The following RBFOX1 variants were observed in gnomAD, a reference collection of about 807,000 sequenced individuals.
RBFOX1 encodes RNA binding fox-1 homolog 1, also known as RNA binding protein fox-1 homolog 1.
RBFOX1 carries 8 observed loss-of-function variants against 57.7 expected under a neutral mutation model. The ratio of observed to expected loss-of-function variants is 0.14; its 90% CI spans 0.08 to 0.25. The LOEUF (loss-of-function observed/expected upper bound fraction) is 0.25. Among genes scored for constraint, RBFOX1 ranks in the 10% least tolerant of loss-of-function variants. The pLI is 1.00. For missense variants in RBFOX1, 611 were observed against 548.5 expected (o/e 1.11, Z -1.14); for synonymous variants, 326 against 222.4 (o/e 1.47, Z -4.15).
chr16:7,698,183 G>GGT (rs59239865), intron 14 of RBFOX1, among the ~76,000 whole-genome samples: 40,334 of 135,724 alleles, frequency 0.3, 5,654 homozygotes, highest in Non-Finnish European at 0.33. Context: ...AGTCCAAGAG[G>GGT]GTGTGTGTGT....
intron 3 of RBFOX1, among the ~76,000 whole-genome samples, chr16:6,943,734 G>C (rs905582062): frequency 6.7e-6 from 1 of 149,402 alleles, no homozygotes; most frequent in African/African-American, 2.5e-5. Flanking sequence ...AAAAGTATTC[G>C]CCTGTAACAA....
At chr16:5,312,381 C>T (rs947950833) in intron 1 of RBFOX1, among the ~76,000 whole-genome samples, 1 of 152,154 alleles carries the variant, frequency 6.6e-6, no homozygotes, top group Non-Finnish European at 1.5e-5. Context: ...TGCAGTGGCA[C>T]GTTCGTGGCT....
intron 2 of RBFOX1, chr16:6,577,424 T>G (rs1454040774): frequency 6.6e-6 from 1 of 152,250 alleles, no homozygotes; most frequent in Non-Finnish European, 1.5e-5. Flanking sequence ...GAACTTTTTA[T>G]GTGCTGTCTC....
At chr16:7,201,620 G>T (rs139536101) in intron 4 of RBFOX1, among the ~76,000 whole-genome samples, 1 of 151,970 alleles carries the variant, frequency 6.6e-6, no homozygotes, top group Admixed American at 6.6e-5. Flanking sequence ...CCAACACCAC[G>T]CCTGGCTAAT....
At chr16:6,085,540 A>T (rs112490953) in intron 1 of RBFOX1, among the ~76,000 whole-genome samples, 1 of 152,140 alleles carries the variant, frequency 6.6e-6, no homozygotes, top group African/African-American at 2.4e-5. Flanking sequence ...CGGTGTTGGG[A>T]TTACAGGCGT....
At chr16:5,388,558 TTCTG>T (rs1328989025) in intron 1 of RBFOX1, among the ~76,000 whole-genome samples, 1 of 151,888 alleles carries the variant, frequency 6.6e-6, no homozygotes. Flanking sequence ...GAGTGTGTGT[TTCTG>T]TGTGTGTGTA....
intron 4 of RBFOX1, among the ~76,000 whole-genome samples, chr16:7,053,552 C>T (rs770700236): frequency 6.6e-6 from 1 of 152,148 alleles, no homozygotes; most frequent in Non-Finnish European, 1.5e-5. Context: ...TGATAAATGC[C>T]TGAGAATTAA....
chr16:7,567,875 A>G (rs62009935), intron 5 of RBFOX1, among the ~76,000 whole-genome samples: 75,905 of 138,176 alleles, frequency 0.55, 20,137 homozygotes, highest in African/African-American at 0.59. Context: ...ACCTCTCTAT[A>G]TATGCATATG....
Position 7,321,169 on chromosome 16 carries a change from G to A in RBFOX1, c.28-196978G>A, listed in dbSNP as rs1234474093. 1.4e-4 allele frequency among the ~76,000 whole-genome samples: 19 copies of A among 136,700 alleles called. No individual in the cohort carries two copies. In the Admixed American group the frequency reaches 1.4e-3, roughly 10 times the overall value. The allele number at this position is 136,700 out of a possible 152,430, so 89.7% of individuals were successfully genotyped here. On this transcript the variant is annotated intron_variant, in intron 4 of 15. Coordinates refer to ENST00000550418, the MANE Select transcript of RBFOX1 (RefSeq NM_018723.4). ...GTTTGTTTTTTGAGACGGCGAGATG[G>A]TGTTTTGCTCTGCTGCCCAGGCTGG...
intron 4 of RBFOX1, among the ~76,000 whole-genome samples, chr16:7,142,840 T>C (rs2074124254): frequency 1.3e-5 from 2 of 152,074 alleles, no homozygotes; most frequent in South Asian, 4.1e-4. Context: ...AAGAAAATGG[T>C]CAGCCCTGAG....
At chr16:5,623,967 AT>A (rs2048273670) in intron 3 of RBFOX1, among the ~76,000 whole-genome samples, 1 of 152,204 alleles carries the variant, frequency 6.6e-6, no homozygotes, top group Admixed American at 6.5e-5. Flanking sequence ...CATTTCCATC[AT>A]CCCCCAAAGA....
At chr16:5,281,346 T>G (rs183719368) in intron 1 of RBFOX1, among the ~76,000 whole-genome samples, 1 of 152,326 alleles carries the variant, frequency 6.6e-6, no homozygotes, top group African/African-American at 2.4e-5. Context: ...TGTCCTAGCA[T>G]ATGGTCTATC....
chr16:5,365,533 G>A (rs950397075), intron 1 of RBFOX1, among the ~76,000 whole-genome samples: 6 of 152,152 alleles, frequency 3.9e-5, no homozygotes, highest in Non-Finnish European at 5.9e-5. Flanking sequence ...GCTGGGCATG[G>A]TGGCATGTGC....
intron 3 of RBFOX1, among the ~76,000 whole-genome samples, chr16:6,676,177 C>G (rs1048639185): frequency 7.3e-6 from 1 of 136,246 alleles, no homozygotes; most frequent in Non-Finnish European, 1.6e-5. Flanking sequence ...CACACACACA[C>G]ACACTTCCCT....
intron 9 of RBFOX1, among the ~76,000 whole-genome samples, chr16:7,604,310 G>A (rs535528059): frequency 8.5e-5 from 13 of 152,250 alleles, no homozygotes; most frequent in South Asian, 4.1e-4. Context: ...TTGTTTAGAA[G>A]GGATCAAGGA....
chr16:6,449,777 C>T (rs1400006972), intron 2 of RBFOX1, among the ~76,000 whole-genome samples: 2 of 152,160 alleles, frequency 1.3e-5, no homozygotes, highest in Admixed American at 1.3e-4. Context: ...ATTTTATTAG[C>T]AACGTACTGC....
chr16:6,323,385 T>C (rs947550), intron 2 of RBFOX1, among the ~76,000 whole-genome samples: 12,336 of 152,220 alleles, frequency 0.081, 1,619 homozygotes, highest in African/African-American at 0.27. Context: ...GCACAATCTG[T>C]CTTCCCCACT....
Position 7,374,584 on chromosome 16 carries a change from C to A in RBFOX1, c.28-143563C>A, listed in dbSNP as rs974129533. On this transcript the variant is annotated intron_variant, in intron 4 of 15. Transcript: ENST00000550418. ...CCCCACCCCCACATTTTTAACCTGA[C>A]AGGAAGATTAATCTGCATGAGATGA... 2.0e-5 allele frequency among the ~76,000 whole-genome samples: 3 copies of A among 152,072 alleles called. No individual in the cohort carries two copies. The East Asian group carries it at 5.8e-4, about 29-fold the overall frequency.
At chr16:6,230,223 C>A (rs1339966998) in intron 1 of RBFOX1, among the ~76,000 whole-genome samples, 1 of 152,060 alleles carries the variant, frequency 6.6e-6, no homozygotes, top group Non-Finnish European at 1.5e-5. Flanking sequence ...ATGAGTTGAT[C>A]TTTTAATTTT....
Sources: gnomAD v4.1 joint callset for allele counts (sites outside exome capture counted in the v4.1 genomes callset) on GRCh38, gnomAD v4.1.1 for gene constraint, MANE v1.5 for transcripts, NCBI Gene and HGNC (gene_info 2026-07-23, HGNC 2026-07-21) for gene names.